NAALAD2: variants seen among roughly 807,000 people sequenced by gnomAD.
NAALAD2 encodes N-acetylated-alpha-linked acidic dipeptidase 2.
In NAALAD2, 89 loss-of-function variants were observed where a neutral mutation model predicts 95.6. The observed-to-expected ratio is 0.93, with a 90% CI of 0.78 to 1.11. The LOEUF (loss-of-function observed/expected upper bound fraction) is 1.11, where lower values mean the gene tolerates loss of function less well. Among genes scored for constraint, NAALAD2 ranks in the 50% least tolerant of loss-of-function variants. NAALAD2 has a pLI of 0.00. For synonymous variants in NAALAD2, 264 were observed against 294.4 expected (o/e 0.90, Z 1.06); for missense variants, 894 against 872.4 (o/e 1.02, Z -0.31).
chr11:90,166,320 TGAGA>T (rs968961235), intron 11 of NAALAD2, among the ~76,000 whole-genome samples: 58 of 151,620 alleles, frequency 3.8e-4, no homozygotes, highest in South Asian at 8.3e-4. Flanking sequence ...TGTATGTGTA[TGAGA>T]GAGAGAGAGC....
At chr11:90,161,870 AT>A in intron 8 of NAALAD2, among the ~76,000 whole-genome samples, 1 of 152,156 alleles carries the variant, frequency 6.6e-6, no homozygotes, top group Non-Finnish European at 1.5e-5. Flanking sequence ...CTTTTCTGCT[AT>A]TAATTTTCAT....
At chr11:90,177,336 A>G (rs1952822793) in intron 15 of NAALAD2, among the ~76,000 whole-genome samples, 1 of 151,140 alleles carries the variant, frequency 6.6e-6, no homozygotes, top group South Asian at 2.1e-4. Context: ...TTACCAATCA[A>G]TTGATAGATA....
At chr11:90,167,781 G>A (rs1317011646) in intron 11 of NAALAD2, among the ~76,000 whole-genome samples, 4 of 152,082 alleles carry the variant, frequency 2.6e-5, no homozygotes, top group Admixed American at 6.5e-5. Flanking sequence ...TAGTGGGGAC[G>A]TGGGGAAAGA....
rs751129881 is a variant in NAALAD2, at chr11:90,192,480, G to T, written c.*733G>T. The stretch of plus-strand genomic sequence containing the variant: ...GGTTGGGGAGGATGGCTGCAAAGAA[G>T]TATGAGGAAACTTTCTCCAATAGAT... On this transcript the variant is annotated 3_prime_UTR_variant, in exon 19 of 19. Transcript: ENST00000534061. 6.6e-5 allele frequency: 10 copies of T among 152,038 alleles called. No individual in the cohort carries two copies. Among genetic ancestry groups the T allele is most frequent in the Non-Finnish European group, 1.5e-4 (10 of 67,910 alleles). 9.4% of individuals were successfully genotyped at this position (152,038 alleles called of 1,614,324 possible).
chr11:90,152,518 C>A, intron 6 of NAALAD2, 34 bp downstream of exon 6: 2 of 1,523,724 alleles, frequency 1.3e-6, no homozygotes. Flanking sequence ...ACCAATTTTG[C>A]AAAAATACTC....
At chr11:90,179,388 G>A (rs1952897608) in intron 16 of NAALAD2, among the ~76,000 whole-genome samples, 1 of 152,010 alleles carries the variant, frequency 6.6e-6, no homozygotes, top group Non-Finnish European at 1.5e-5. Context: ...CAGATAATAG[G>A]TTACTATGGG....
intron 8 of NAALAD2, among the ~76,000 whole-genome samples, chr11:90,160,433 C>T (rs1952262348): frequency 6.6e-6 from 1 of 152,162 alleles, no homozygotes; most frequent in Non-Finnish European, 1.5e-5. Context: ...ACAATTTACC[C>T]TTAACTACGT....
chr11:90,138,019 G>A (rs1951495928), intron 2 of NAALAD2, among the ~76,000 whole-genome samples: 1 of 151,930 alleles, frequency 6.6e-6, no homozygotes, highest in African/African-American at 2.4e-5. Flanking sequence ...GACCCCCCAT[G>A]CAGTCAAAAA....
At chr11:90,155,280 A>C in intron 6 of NAALAD2, among the ~76,000 whole-genome samples, 1 of 117,472 alleles carries the variant, frequency 8.5e-6, no homozygotes, top group South Asian at 2.5e-4. Flanking sequence ...TGTATATATT[A>C]TATATGCATA....
intron 6 of NAALAD2, among the ~76,000 whole-genome samples, chr11:90,157,737 T>TG (rs1420519082): frequency 6.6e-6 from 1 of 151,886 alleles, no homozygotes; most frequent in African/African-American, 2.4e-5. Flanking sequence ...ACTTTTTTTT[T>TG]TTCAGACAGA....
Position 90,192,674 on chromosome 11 carries a change from C to T in NAALAD2, c.*927C>T, listed in dbSNP as rs1857366758. On this transcript the variant is annotated 3_prime_UTR_variant, in exon 19 of 19. Transcript: ENST00000534061. ...GAAATCACCATGAAGTGTGAATGGT[C>T]AGGAAAAAGCCAGTAATATTCATAC... The T allele has an allele frequency of 6.6e-6, 1 of 151,948 alleles. No homozygotes were observed. The highest frequency in any genetic ancestry group is 1.5e-5 in the Non-Finnish European group (1 of 67,870). 9.4% of individuals were successfully genotyped at this position (151,948 alleles called of 1,614,324 possible).
intron 13 of NAALAD2, among the ~76,000 whole-genome samples, chr11:90,173,352 A>G (rs1325058299): frequency 1.3e-5 from 2 of 152,210 alleles, no homozygotes; most frequent in Non-Finnish European, 2.9e-5. Context: ...ACCAAGACTT[A>G]TAGGTTAAGA....
In NAALAD2 at chr11:90,163,402, C is replaced by T. The variant is rs147308857; in HGVS notation, c.1168C>T (p.Arg390Trp). The change falls in exon 10 of 19, where the codon CGG becomes TGG. Residue 390 changes from arginine (R) to tryptophan (W), a missense_variant. Physicochemically the swap from Arg to Trp is moderately radical, Grantham distance 101 (BLOSUM62 -3). Transcript: ENST00000534061. Reference sequence around the variant, plus strand: ...GGTTGCTGTTTTGCAAGAAATTGCCCGGAGTTTTGGAAAACTGATGAGTAA... The same window carrying T: ...GGTTGCTGTTTTGCAAGAAATTGCCTGGAGTTTTGGAAAACTGATGAGTAA... ...SGVAVLQEIARSFGKLMSKGW... is the reference protein window; with the variant it reads ...SGVAVLQEIAWSFGKLMSKGW... The T allele has an allele frequency of 1.4e-3, 2,271 of 1,613,944 alleles. 4 individuals are homozygous for T. Among genetic ancestry groups the T allele is most frequent in the Non-Finnish European group, 1.8e-3 (2,097 of 1,179,906 alleles).
In NAALAD2 at chr11:90,181,634, G is replaced by A; in HGVS notation, c.1873G>A (p.Ala625Thr). ...HGVSFDSLFS[A>T]VKNFSEAASD... The stretch of plus-strand genomic sequence containing the variant: ...TTTTAAAAAAGACTCCTTATTTTCT[G>A]CTGTGAAAAACTTCTCAGAGGCTGC... Residue 625 changes from alanine to threonine, a missense_variant, in exon 17 of 19, where the codon GCT becomes ACT. Physicochemically the swap from Ala to Thr is moderately conservative, Grantham distance 58 (BLOSUM62 0). Coordinates refer to ENST00000534061, the MANE Select transcript of NAALAD2 (RefSeq NM_005467.4). 3 of 1,600,754 alleles carry A rather than the reference G, an allele frequency of 1.9e-6. No individual in the cohort carries two copies. Among genetic ancestry groups the A allele is most frequent in the Non-Finnish European group, 2.6e-6 (3 of 1,171,842 alleles).
At chr11:90,186,023 T>C (rs896535630) in intron 18 of NAALAD2, among the ~76,000 whole-genome samples, 4 of 152,154 alleles carry the variant, frequency 2.6e-5, no homozygotes, top group Non-Finnish European at 5.9e-5. Context: ...GTAATCTTTT[T>C]TTTTTAAATT....
At chr11:90,143,846 A>T (rs1030520317) in intron 2 of NAALAD2, among the ~76,000 whole-genome samples, 1 of 152,104 alleles carries the variant, frequency 6.6e-6, no homozygotes, top group African/African-American at 2.4e-5. Context: ...TAGGAACATA[A>T]CCTCACCATA....
chr11:90,146,126 T>C (rs779789850), intron 2 of NAALAD2, among the ~76,000 whole-genome samples: 2 of 152,030 alleles, frequency 1.3e-5, no homozygotes, highest in Non-Finnish European at 2.9e-5. Context: ...GTCAGTCTCC[T>C]CATTTGCAAA....
Position 90,147,311 on chromosome 11 carries a change from T to C in NAALAD2, c.195-19T>C, listed in dbSNP as rs750398777. 2.3e-5 allele frequency: 36 copies of C among 1,597,152 alleles called. No homozygotes were observed. Among genetic ancestry groups the C allele is most frequent in the East Asian group, 1.1e-4 (5 of 44,784 alleles). On this transcript the variant is annotated intron_variant, in intron 2 of 18. Coordinates refer to ENST00000534061, the MANE Select transcript of NAALAD2 (RefSeq NM_005467.4). ...GAGCATAGTCTTTAATGCCCTCTTA[T>C]GTTTTATTTTCATTTTAGTTCTTTT...
intron 18 of NAALAD2, among the ~76,000 whole-genome samples, chr11:90,190,182 C>T (rs1857280121): frequency 7.5e-6 from 1 of 134,066 alleles, no homozygotes; most frequent in Non-Finnish European, 1.7e-5. Context: ...CTATGCTTTT[C>T]ATCCAACATT....
Sources: allele counts gnomAD v4.1 joint callset (sites outside exome capture counted in the v4.1 genomes callset), GRCh38; gene constraint gnomAD v4.1.1; transcripts MANE v1.5; gene names NCBI Gene and HGNC (gene_info 2026-07-23, HGNC 2026-07-21).